CNGB1: variants seen among roughly 807,000 people sequenced by gnomAD.
The protein encoded by CNGB1 is cyclic nucleotide-gated channel beta-1.
A neutral mutation model predicts 151.7 loss-of-function variants in CNGB1; 126 were observed. The observed-to-expected ratio is 0.83, with a 90% confidence interval of 0.72 to 0.96. The LOEUF (loss-of-function observed/expected upper bound fraction) is 0.96. Among genes scored for constraint, CNGB1 ranks in the 40% least tolerant of loss-of-function variants. The pLI, the probability that CNGB1 is intolerant of heterozygous loss-of-function variation, is 0.00. For synonymous variants in CNGB1, 623 were observed against 635.1 expected, an observed-to-expected ratio of 0.98 and a Z score of 0.29; for missense variants, 1,698 against 1,627.0, an observed-to-expected ratio of 1.04 and a Z score of -0.75.
intron 23 of CNGB1, among the ~76,000 whole-genome samples, chr16:57,914,573 G>A (rs1960811120): frequency 6.6e-6 from 1 of 152,204 alleles, no homozygotes; most frequent in African/African-American, 2.4e-5. Flanking sequence ...GAATGTGATT[G>A]GTTGGCCATC....
intron 9 of CNGB1, 41 bp downstream of exon 9, chr16:57,960,441 A>T: frequency 6.2e-7 from 1 of 1,607,582 alleles, no homozygotes; most frequent in African/African-American, 1.3e-5. Context: ...CCAGCCCGTG[A>T]CCATCCCAGG....
Position 57,903,962 on chromosome 16 carries a change from G to T in CNGB1, c.2654C>A (p.Ala885Asp), listed in dbSNP as rs747402696. Reference sequence around the variant, plus strand: ...GTAGTAGGTCTGTCCGGCGGTGGCGGCCCCTACCACATCTCTCATCTGGGG... The same window carrying T: ...GTAGTAGGTCTGTCCGGCGGTGGCGTCCCCTACCACATCTCTCATCTGGGG... ...MIGQMRDVVG[A>D]ATAGQTYYRS... is the part of the protein sequence containing the mutation. The change falls in exon 27 of 33, where the codon GCC becomes GAC. Residue 885 changes from alanine to aspartate, a missense_variant. Physicochemically the swap from Ala to Asp is moderately radical, Grantham distance 126. Transcript: ENST00000251102. 1.2e-6 allele frequency: 2 copies of T among 1,613,746 alleles called. No homozygotes were observed. Among genetic ancestry groups the T allele is most frequent in the Non-Finnish European group, 1.7e-6 (2 of 1,179,976 alleles).
Position 57,887,844 on chromosome 16 carries a change from A to G in CNGB1, c.3462+11T>C. On this transcript the variant is annotated intron_variant, in intron 32 of 32. Coordinates refer to ENST00000251102, the MANE Select transcript of CNGB1 (RefSeq NM_001297.5). ...AAATGAACGTGGTGGCTGGGTTCCC[A>G]ACCACATTACCTGTTCCACCAACTC... 1 of 1,613,686 alleles carries G rather than the reference A, an allele frequency of 6.2e-7. No individual in the cohort carries two copies. The highest frequency in any genetic ancestry group is 8.5e-7 in the Non-Finnish European group (1 of 1,179,854).
chr16:57,925,727 G>C (rs1413368910), intron 17 of CNGB1, among the ~76,000 whole-genome samples: 1 of 151,836 alleles, frequency 6.6e-6, no homozygotes, highest in African/African-American at 2.4e-5. Flanking sequence ...TCGCTCTGTT[G>C]CCCTGGCTGG....
At chr16:57,955,310 T>C in intron 12 of CNGB1, 3 of 1,551,756 alleles carry the variant, frequency 1.9e-6, no homozygotes, top group Non-Finnish European at 2.6e-6. Flanking sequence ...CATGTGTCCA[T>C]CTGAGCTCTC....
Position 57,962,921 on chromosome 16 carries a change from T to C in CNGB1, c.382-49A>G, listed in dbSNP as rs1962295847. 3.1e-6 allele frequency: 5 copies of C among 1,612,044 alleles called. No individual in the cohort carries two copies. In the East Asian group the frequency reaches 8.9e-5, roughly 29 times the overall value. On this transcript the variant is annotated intron_variant, in intron 5 of 32. Coordinates refer to ENST00000251102, the MANE Select transcript of CNGB1 (RefSeq NM_001297.5). ...ATGGGCAGGGAGCCCAAGGGCAGCC[T>C]CCCCACAGCCCCTCTCCAACCCGGC...
chr16:57,893,476 C>T (rs1449682015), intron 31 of CNGB1, among the ~76,000 whole-genome samples: 2 of 152,128 alleles, frequency 1.3e-5, no homozygotes, highest in East Asian at 1.9e-4. Flanking sequence ...GGCACCCCAC[C>T]GGAGACATTC....
intron 14 of CNGB1, among the ~76,000 whole-genome samples, chr16:57,943,651 G>A (rs1424386350): frequency 6.6e-6 from 1 of 152,068 alleles, no homozygotes; most frequent in African/African-American, 2.4e-5. Flanking sequence ...GCTGTCTGTC[G>A]CCCTGCCCCC....
intron 16 of CNGB1, among the ~76,000 whole-genome samples, chr16:57,939,188 A>T (rs768016335): frequency 6.6e-6 from 1 of 152,140 alleles, no homozygotes; most frequent in Non-Finnish European, 1.5e-5. Context: ...CCCCGGCGCC[A>T]CTGGGAGTCC....
At chr16:57,892,488 T>A (rs1289769734) in intron 31 of CNGB1, among the ~76,000 whole-genome samples, 1 of 152,094 alleles carries the variant, frequency 6.6e-6, no homozygotes, top group Non-Finnish European at 1.5e-5. Context: ...TGGGGGCAGC[T>A]TCCTTCCCCA....
intron 1 of CNGB1, among the ~76,000 whole-genome samples, chr16:57,967,649 T>G (rs1253799248): frequency 6.6e-6 from 1 of 152,100 alleles, no homozygotes; most frequent in Non-Finnish European, 1.5e-5. Flanking sequence ...TGGGTCATGA[T>G]GCACCACTGT....
intron 12 of CNGB1, among the ~76,000 whole-genome samples, chr16:57,955,625 A>C (rs1270500089): frequency 2.0e-5 from 3 of 152,176 alleles, no homozygotes; most frequent in Non-Finnish European, 2.9e-5. Context: ...TAAGTTAAGG[A>C]TCTCAAAGTG....
intron 32 of CNGB1, among the ~76,000 whole-genome samples, chr16:57,885,542 CT>C: frequency 7.1e-6 from 1 of 140,792 alleles, no homozygotes; most frequent in African/African-American, 2.6e-5. Context: ...TCCTTCCTTC[CT>C]TCTTTCCTTC....
In CNGB1 at chr16:57,942,893, T is replaced by C. The variant is rs552547886; in HGVS notation, c.1122-2572A>G. ...AAAAAAAAAACCCTACCCACATTGATTGAACACTACTTAAATGTAAAATCT... is the reference window on the plus strand; with the variant it reads ...AAAAAAAAAACCCTACCCACATTGACTGAACACTACTTAAATGTAAAATCT... On this transcript the variant is annotated intron_variant, in intron 14 of 32. Coordinates refer to ENST00000251102, the MANE Select transcript of CNGB1 (RefSeq NM_001297.5). Among the ~76,000 whole-genome samples, 261 of 150,532 alleles carry C rather than the reference T, an allele frequency of 1.7e-3. 1 individual carries two copies. Among genetic ancestry groups the C allele is most frequent in the African/African-American group, 6.3e-3 (257 of 41,054 alleles).
At chr16:57,930,964 G>A (rs194118) in intron 17 of CNGB1, among the ~76,000 whole-genome samples, 1 of 151,814 alleles carries the variant, frequency 6.6e-6, no homozygotes, top group African/African-American at 2.4e-5. Context: ...TGTGCATATA[G>A]GTAACAATAC....
rs556924728 is a variant in CNGB1, at chr16:57,940,036, G to A, written c.1209+198C>T. 1.4e-4 allele frequency among the ~76,000 whole-genome samples: 22 copies of A among 152,268 alleles called. No individual in the cohort carries two copies. In the East Asian group the frequency reaches 2.5e-3, roughly 17 times the overall value. ...AGGAGGACTCGAGCTGGGTCCACCC[G>A]TCTCCCCACCCACGGCCTGGGCCGC... On this transcript the variant is annotated intron_variant, in intron 15 of 32. Transcript: ENST00000251102.
intron 20 of CNGB1, among the ~76,000 whole-genome samples, chr16:57,918,038 C>CATGGATGGATGGATGG (rs71155216): frequency 1.3e-5 from 2 of 149,738 alleles, no homozygotes; most frequent in Non-Finnish European, 1.5e-5. Flanking sequence ...CAGGTGAATG[C>CATGGATGGATGGATGG]ATGGATGGAT....
intron 7 of CNGB1, among the ~76,000 whole-genome samples, chr16:57,962,113 C>T (rs1469885114): frequency 1.3e-5 from 2 of 152,176 alleles, no homozygotes; most frequent in African/African-American, 2.4e-5. Flanking sequence ...CTCCCCTCTT[C>T]GCCACAGTCC....
chr16:57,908,846 C>G (rs1410665041), intron 25 of CNGB1, among the ~76,000 whole-genome samples: 1 of 152,216 alleles, frequency 6.6e-6, no homozygotes, highest in Non-Finnish European at 1.5e-5. Flanking sequence ...ACAGCAGGGC[C>G]CCTTGCTGGC....
Sources: gnomAD v4.1 joint callset for allele counts (sites outside exome capture counted in the v4.1 genomes callset) on GRCh38, gnomAD v4.1.1 for gene constraint, MANE v1.5 for transcripts, NCBI Gene and HGNC (gene_info 2026-07-23, HGNC 2026-07-21) for gene names.